SH3D19: variants seen among roughly 807,000 people sequenced by gnomAD.
The protein encoded by SH3D19 is SH3 domain-containing protein 19.
A neutral mutation model predicts 112.1 loss-of-function variants in SH3D19; 58 were observed. The ratio of observed to expected loss-of-function variants is 0.52; its 90% CI spans 0.42 to 0.64. The LOEUF is 0.64. Among genes scored for constraint, SH3D19 ranks in the 30% least tolerant of loss-of-function variants. SH3D19 has a pLI of 0.00. For synonymous variants in SH3D19, 391 were observed against 448.5 expected (o/e 0.87, Z 1.62); for missense variants, 1,090 against 1,263.4 (o/e 0.86, Z 2.08).
At position 151,128,163 on chromosome 4, in the gene SH3D19, G is replaced by T; in HGVS notation, c.2929+7C>A. The T allele has an allele frequency of 6.3e-7, 1 of 1,589,864 alleles. No homozygotes were observed. The highest frequency in any genetic ancestry group is 8.6e-7 in the Non-Finnish European group (1 of 1,168,170). Reference sequence around the variant, plus strand: ...GGAGTCGCATTCATGTCTTGCGGTTGTCATACCTGGGCAGGGCCTCACAAA... The same window carrying T: ...GGAGTCGCATTCATGTCTTGCGGTTTTCATACCTGGGCAGGGCCTCACAAA... On this transcript the variant is annotated splice_region_variant and intron_variant, in intron 18 of 19. Transcript: ENST00000604030.
intron 2 of SH3D19, among the ~76,000 whole-genome samples, chr4:151,217,977 T>C (rs1393484494): frequency 1.3e-5 from 2 of 152,070 alleles, no homozygotes; most frequent in Admixed American, 6.6e-5. Flanking sequence ...CACATATATA[T>C]ATCCCCATTT....
intron 11 of SH3D19, among the ~76,000 whole-genome samples, chr4:151,145,224 G>A (rs375471573): frequency 3.3e-5 from 5 of 152,186 alleles, no homozygotes; most frequent in African/African-American, 7.2e-5. Flanking sequence ...AATGTATTGA[G>A]TTTTAAAAAA....
chr4:151,311,258 T>C (rs1380102324), intron 1 of SH3D19, among the ~76,000 whole-genome samples: 1 of 151,242 alleles, frequency 6.6e-6, no homozygotes, highest in African/African-American at 2.4e-5. Context: ...TAGCTTGGCA[T>C]GGTGGTGAGC....
chr4:151,127,662 A>C lies in SH3D19; in HGVS notation c.2983T>G (p.Leu995Val). 1 of 1,606,938 alleles carries C rather than the reference A, an allele frequency of 6.2e-7. No individual in the cohort carries two copies. Among genetic ancestry groups the C allele is most frequent in the Non-Finnish European group, 8.5e-7 (1 of 1,177,680 alleles). ...TCATTCTCCCCTCGGAAATCATATA[A>C]GGCTTTGGCCTTCCTCCCCTTCGGT... ...IVPKGRKAKA[L>V]YDFRGENEDE... is the part of the protein sequence containing the mutation. Residue 995 changes from leucine (L) to valine (V), a missense_variant, in exon 19 of 20, where the codon TTA becomes GTA. Coordinates refer to ENST00000604030, the MANE Select transcript of SH3D19 (RefSeq NM_001378122.1).
At chr4:151,175,789 A>G in intron 6 of SH3D19, 115 bp from the exon 7 acceptor site, 1 of 1,041,552 alleles carries the variant, frequency 9.6e-7, no homozygotes. Context: ...GAATATCAAG[A>G]GATTTTGGTT....
chr4:151,241,210 T>C (rs973608369), intron 1 of SH3D19, among the ~76,000 whole-genome samples: 4 of 151,936 alleles, frequency 2.6e-5, no homozygotes, highest in Non-Finnish European at 5.9e-5. Flanking sequence ...GAGGATTCCT[T>C]GAGCCCAGGA....
chr4:151,127,483 C>G (rs1749669846), intron 19 of SH3D19, 135 bp downstream of exon 19: 8 of 533,052 alleles, frequency 1.5e-5, no homozygotes, highest in Admixed American at 4.0e-5. Flanking sequence ...TAATGTCTTC[C>G]CCTAGAATCA....
chr4:151,297,891 T>C (rs1775809883), intron 1 of SH3D19, among the ~76,000 whole-genome samples: 1 of 152,170 alleles, frequency 6.6e-6, no homozygotes, highest in South Asian at 2.1e-4. Context: ...ACATGGCTTC[T>C]TATAAGAGTA....
At position 151,276,089 on chromosome 4, in the gene SH3D19, C is replaced by T. The variant is rs371269767; in HGVS notation, c.112+49152G>A. Reference sequence around the variant, plus strand: ...AACTCCTGACCTCAGGTGATCCACCCGCCTCGGCCTCCCAAAGTGCTGGGA... The same window carrying T: ...AACTCCTGACCTCAGGTGATCCACCTGCCTCGGCCTCCCAAAGTGCTGGGA... On this transcript the variant is annotated intron_variant, in intron 1 of 19. Coordinates refer to ENST00000604030, the MANE Select transcript of SH3D19 (RefSeq NM_001378122.1). 1.2e-4 allele frequency among the ~76,000 whole-genome samples: 18 copies of T among 152,142 alleles called. No individual in the cohort carries two copies. In the East Asian group the frequency reaches 2.9e-3, roughly 25 times the overall value.
intron 1 of SH3D19, among the ~76,000 whole-genome samples, chr4:151,288,921 A>G (rs1427735755): frequency 3.3e-5 from 5 of 152,190 alleles, no homozygotes; most frequent in Non-Finnish European, 7.3e-5. Context: ...GCATATGGAA[A>G]TTCAAGGGGC....
intron 1 of SH3D19, chr4:151,262,890 C>T (rs1321178098): frequency 3.3e-5 from 5 of 152,214 alleles, no homozygotes; most frequent in African/African-American, 1.2e-4. Context: ...TTCTGCTACC[C>T]TCAGTCTGGG....
chr4:151,144,662 C>T (rs1331360549), intron 11 of SH3D19, among the ~76,000 whole-genome samples: 1 of 152,198 alleles, frequency 6.6e-6, no homozygotes, highest in East Asian at 1.9e-4. Context: ...ATGGTGGCCT[C>T]TGAAGGCTGA....
chr4:151,282,311 A>G, intron 1 of SH3D19: 1 of 1,613,908 alleles, frequency 6.2e-7, no homozygotes, highest in Non-Finnish European at 8.5e-7. Flanking sequence ...AGTCACCTTC[A>G]CTTCTGCCAT....
chr4:151,298,830 T>A (rs1728045031), intron 1 of SH3D19, among the ~76,000 whole-genome samples: 1 of 152,224 alleles, frequency 6.6e-6, no homozygotes, highest in Non-Finnish European at 1.5e-5. Context: ...CCAGTAAGAT[T>A]GCTGCCTCCC....
At chr4:151,282,084 A>G in intron 1 of SH3D19, 1 of 1,562,168 alleles carries the variant, frequency 6.4e-7, no homozygotes, top group East Asian at 2.2e-5. Context: ...TTAGTGCTAC[A>G]TATAGGCAGC....
At chr4:151,233,889 G>A (rs969042476) in intron 1 of SH3D19, among the ~76,000 whole-genome samples, 3 of 152,162 alleles carry the variant, frequency 2.0e-5, no homozygotes, top group African/African-American at 4.8e-5. Flanking sequence ...CAGGGTCTCT[G>A]TGTTAGACTC....
At chr4:151,299,917 G>A (rs1331109196) in intron 1 of SH3D19, among the ~76,000 whole-genome samples, 1 of 151,970 alleles carries the variant, frequency 6.6e-6, no homozygotes, top group Non-Finnish European at 1.5e-5. Context: ...TAAAACCAAT[G>A]TCGGCCGGGT....
At chr4:151,151,979 C>T (rs981738912) in intron 9 of SH3D19, among the ~76,000 whole-genome samples, 54 of 152,200 alleles carry the variant, frequency 3.5e-4, no homozygotes, top group African/African-American at 1.3e-3. Context: ...TAATTTTGTA[C>T]CAAATATTAG....
intron 16 of SH3D19, 108 bp downstream of exon 16, chr4:151,132,926 A>T: frequency 1.1e-6 from 1 of 939,270 alleles, no homozygotes; most frequent in Non-Finnish European, 1.6e-6. Flanking sequence ...TTTTCCTTCT[A>T]CCGTAAAAAT....
Sources: gnomAD v4.1 joint callset for allele counts (sites outside exome capture counted in the v4.1 genomes callset) on GRCh38, gnomAD v4.1.1 for gene constraint, MANE v1.5 for transcripts, NCBI Gene and HGNC (gene_info 2026-07-23, HGNC 2026-07-21) for gene names.